NCOA2: variants seen among roughly 807,000 people sequenced by gnomAD.
NCOA2 encodes nuclear receptor coactivator 2.
NCOA2 carries 21 observed loss-of-function variants against 145.1 expected under a neutral mutation model. The ratio of observed to expected loss-of-function variants is 0.14; its 90% confidence interval spans 0.10 to 0.21. NCOA2 has a LOEUF of 0.21. Ranked by LOEUF, NCOA2 falls within the 10% of genes least tolerant of loss-of-function variation. The probability of loss-of-function intolerance (pLI) is 1.00; values close to 1 mark genes in which losing one functional copy is unlikely to be tolerated. For synonymous variants in NCOA2, 619 were observed against 637.5 expected (o/e 0.97, Z 0.44); for missense variants, 1,472 against 1,837.6 (o/e 0.80, Z 3.64).
At chr8:70,345,837 C>G (rs556688416) in intron 1 of NCOA2, among the ~76,000 whole-genome samples, 1 of 152,272 alleles carries the variant, frequency 6.6e-6, no homozygotes, top group South Asian at 2.1e-4. Context: ...CTAGCAGAAG[C>G]AGAGCTGAGG....
rs114315573 is a variant in NCOA2, at chr8:70,270,945, A to G, written c.-20+25799T>C. Among the ~76,000 whole-genome samples, 1,408 of 152,358 alleles carry G rather than the reference A, an allele frequency of 9.2e-3. 22 individuals carry two copies. Among genetic ancestry groups the G allele is most frequent in the African/African-American group, 0.032 (1,311 of 41,596 alleles). On this transcript the variant is annotated intron_variant, in intron 2 of 22. Transcript: ENST00000452400. ...ACCTATGAGCAATTAGTCTAAATATAAAGAAAAAGATGATGAATTATATGA... is the reference window on the plus strand; with the variant it reads ...ACCTATGAGCAATTAGTCTAAATATGAAGAAAAAGATGATGAATTATATGA...
intron 1 of NCOA2, among the ~76,000 whole-genome samples, chr8:70,348,452 G>A (rs551082689): frequency 2.6e-5 from 4 of 152,274 alleles, no homozygotes; most frequent in Admixed American, 6.5e-5. Context: ...CTAAAGAGTG[G>A]TACAAAATTA....
intron 2 of NCOA2, among the ~76,000 whole-genome samples, chr8:70,281,533 C>G (rs971170172): frequency 2.0e-5 from 3 of 151,974 alleles, no homozygotes; most frequent in Admixed American, 6.6e-5. Context: ...GAATTAAGTA[C>G]AAGTGGCTAG....
intron 1 of NCOA2, among the ~76,000 whole-genome samples, chr8:70,328,244 G>T: frequency 6.6e-6 from 1 of 152,188 alleles, no homozygotes. Flanking sequence ...GTAAACCATC[G>T]AATGAATACA....
At chr8:70,119,707 T>G (rs1807569138) in intron 22 of NCOA2, among the ~76,000 whole-genome samples, 1 of 152,170 alleles carries the variant, frequency 6.6e-6, no homozygotes. Flanking sequence ...CCGACATCTG[T>G]TATTTTTTGT....
chr8:70,134,724 A>G (rs1321230891), intron 15 of NCOA2, among the ~76,000 whole-genome samples: 1 of 152,202 alleles, frequency 6.6e-6, no homozygotes, highest in African/African-American at 2.4e-5. Context: ...ATTTGAATTT[A>G]AACAATTTCC....
intron 2 of NCOA2, among the ~76,000 whole-genome samples, chr8:70,252,498 C>T (rs1823280876): frequency 6.6e-6 from 1 of 152,116 alleles, no homozygotes; most frequent in African/African-American, 2.4e-5. Context: ...GCTTAATGGC[C>T]CTACATAACT....
At chr8:70,402,260 G>A in intron 1 of NCOA2, 1 of 152,532 alleles carries the variant, frequency 6.6e-6, no homozygotes, top group Non-Finnish European at 1.5e-5. Context: ...AGGCGTCGGA[G>A]GAGGTGGAGA....
chr8:70,140,473 G>T (rs1810269456), intron 14 of NCOA2, among the ~76,000 whole-genome samples: 1 of 151,840 alleles, frequency 6.6e-6, no homozygotes, highest in Non-Finnish European at 1.5e-5. Flanking sequence ...GCAACCTTCA[G>T]TGAGGGCCTG....
At chr8:70,412,140 G>A in the NCOA2 span, among the ~76,000 whole-genome samples, 1 of 151,984 alleles carries the variant, frequency 6.6e-6, no homozygotes, top group Non-Finnish European at 1.5e-5. Flanking sequence ...TTACTTTACA[G>A]CCCAGGCGTG....
chr8:70,236,765 G>A (rs1040984532), intron 2 of NCOA2, among the ~76,000 whole-genome samples: 3 of 152,190 alleles, frequency 2.0e-5, no homozygotes, highest in Admixed American at 6.6e-5. Flanking sequence ...GGTATTGTAA[G>A]TAATCTAGAG....
At position 70,157,007 on chromosome 8, in the gene NCOA2, A is replaced by G; in HGVS notation, c.1358T>C (p.Met453Thr). Residue 453 changes from methionine to threonine, a missense_variant, in exon 11 of 23, where the codon ATG (methionine) becomes ACG (threonine). Met to Thr is a moderately conservative substitution (Grantham distance 81). This residue lies in a region of NCOA2 where 953 missense variants were observed against 1,062.1 expected (regional missense o/e 0.90). Coordinates refer to ENST00000452400, the MANE Select transcript of NCOA2 (RefSeq NM_006540.4). Reference protein sequence around the residue: ...GSGGMNHVSGMQATTPQGSNY... With the variant: ...GSGGMNHVSGTQATTPQGSNY... ...ACTACCCTGAGGAGTGGTTGCTTGC[A>G]TGCCTGACACATGGTTCATTCCCCC... 1 of 1,614,066 alleles carries G rather than the reference A, an allele frequency of 6.2e-7. No homozygotes were observed. Among genetic ancestry groups the G allele is most frequent in the Non-Finnish European group, 8.5e-7 (1 of 1,179,904 alleles).
intron 4 of NCOA2, among the ~76,000 whole-genome samples, chr8:70,208,579 G>A (rs1304621608): frequency 2.6e-5 from 4 of 152,192 alleles, no homozygotes; most frequent in Admixed American, 1.3e-4. Context: ...AGCTTGAAAG[G>A]ACAAACTGAC....
At chr8:70,180,140 A>G (rs1297340689) in intron 4 of NCOA2, among the ~76,000 whole-genome samples, 3 of 152,216 alleles carry the variant, frequency 2.0e-5, no homozygotes, top group African/African-American at 4.8e-5. Context: ...TGAAAATACT[A>G]ATTCTATCCT....
Position 70,156,598 on chromosome 8 carries a change from A to G in NCOA2, c.1767T>C (p.Tyr589=), listed in dbSNP as rs1812319443. 1 of 1,613,804 alleles carries G rather than the reference A, an allele frequency of 6.2e-7. No homozygotes were observed. Among genetic ancestry groups the G allele is most frequent in the Admixed American group, 1.7e-5 (1 of 59,984 alleles). Residue 589 remains tyrosine, a synonymous_variant, in exon 11 of 23, where the codon TAT becomes TAC. Transcript: ENST00000452400. ...CAGTTGTACCTTCAGAGGGCTCCCC[A>G]TATAGTCCAAAACAGTCTTTTGAGT... ...SLDSKDCFGL[Y]GEPSEGTTGQ...
At chr8:70,124,588 T>G in intron 20 of NCOA2, 100 bp downstream of exon 20, 1 of 1,238,746 alleles carries the variant, frequency 8.1e-7, no homozygotes, top group Non-Finnish European at 1.1e-6. Context: ...CTACGTTTGA[T>G]AAAAACAAAC....
At chr8:70,298,789 C>T (rs1827272512) in intron 1 of NCOA2, among the ~76,000 whole-genome samples, 3 of 152,080 alleles carry the variant, frequency 2.0e-5, no homozygotes, top group East Asian at 1.9e-4. Flanking sequence ...TAGCCGGGCG[C>T]GGTGGTTCAC....
At chr8:70,358,527 A>G (rs76426944) in intron 1 of NCOA2, among the ~76,000 whole-genome samples, 2,338 of 152,342 alleles carry the variant, frequency 0.015, 44 homozygotes, top group Non-Finnish European at 0.022. Context: ...TCTATTCAAC[A>G]TGTGATGCTG....
chr8:70,428,164 C>CT, the NCOA2 span, among the ~76,000 whole-genome samples: 2 of 151,954 alleles, frequency 1.3e-5, no homozygotes, highest in African/African-American at 4.8e-5. Context: ...TCTCAGAATA[C>CT]TTTTGCTGGT....
Sources: gnomAD v4.1 joint callset for allele counts (sites outside exome capture counted in the v4.1 genomes callset) on GRCh38, gnomAD v4.1.1 for gene constraint, gnomAD v4.1.1 regional missense constraint, MANE v1.5 for transcripts, NCBI Gene and HGNC (gene_info 2026-07-23, HGNC 2026-07-21) for gene names.